Variants in SLC35D4 observed in about 807,000 individuals in gnomAD.
SLC35D4 encodes the protein solute carrier family 35 member D4, also known as UDP-N-acetylglucosamine transporter SLC35D4.
At chr18:23,291,112 C>A in the SLC35D4 span, among the ~76,000 whole-genome samples, 1 of 152,204 alleles carries the variant, frequency 6.6e-6, no homozygotes, top group African/African-American at 2.4e-5. Context: ...TGGCTAAGGG[C>A]TGTGGGTCTT....
At chr18:23,336,891 T>C in the SLC35D4 span, among the ~76,000 whole-genome samples, 12 of 152,034 alleles carry the variant, frequency 7.9e-5, no homozygotes, top group Non-Finnish European at 2.9e-5. Flanking sequence ...ACAGCAGTAA[T>C]AGAATACAAA....
At chr18:23,285,672 T>C in the SLC35D4 span, among the ~76,000 whole-genome samples, 56 of 152,198 alleles carry the variant, frequency 3.7e-4, no homozygotes, top group African/African-American at 1.3e-3. Flanking sequence ...GTCTTTCTAA[T>C]CTTCCTTTTC....
the SLC35D4 span, among the ~76,000 whole-genome samples, chr18:23,353,782 T>C: frequency 1.3e-5 from 2 of 152,310 alleles, no homozygotes; most frequent in Admixed American, 1.3e-4. Flanking sequence ...TGGATTTCTA[T>C]TCCTCACTGT....
the SLC35D4 span, among the ~76,000 whole-genome samples, chr18:23,295,428 T>C: frequency 6.6e-6 from 1 of 152,100 alleles, no homozygotes; most frequent in African/African-American, 2.4e-5. Context: ...GCAGCTACTA[T>C]TATTTTTCCT....
chr18:23,394,256 G>A, the SLC35D4 span, among the ~76,000 whole-genome samples: 1 of 152,154 alleles, frequency 6.6e-6, no homozygotes, highest in East Asian at 1.9e-4. Context: ...CATTCTCATA[G>A]GTGTGAAGTG....
chr18:23,398,186 T>C, the SLC35D4 span, among the ~76,000 whole-genome samples: 1 of 152,140 alleles, frequency 6.6e-6, no homozygotes, highest in African/African-American at 2.4e-5. Context: ...GCCTCACCTA[T>C]CATCTGTCAA....
chr18:23,429,789 G>C, the SLC35D4 span, among the ~76,000 whole-genome samples: 1 of 152,084 alleles, frequency 6.6e-6, no homozygotes, highest in Non-Finnish European at 1.5e-5. Flanking sequence ...TCATATGTTG[G>C]CCACTTGCAT....
the SLC35D4 span, among the ~76,000 whole-genome samples, chr18:23,343,482 C>A: frequency 6.6e-6 from 1 of 152,106 alleles, no homozygotes; most frequent in Non-Finnish European, 1.5e-5. Context: ...CTCAGGTGAT[C>A]CGCTCACCTC....
chr18:23,363,182 T>C, the SLC35D4 span, among the ~76,000 whole-genome samples: 1 of 146,694 alleles, frequency 6.8e-6, no homozygotes, highest in Non-Finnish European at 1.5e-5. Flanking sequence ...GAGGCAGAGG[T>C]TGCAGTGAGC....
the SLC35D4 span, among the ~76,000 whole-genome samples, chr18:23,360,336 T>G: frequency 1.3e-5 from 2 of 152,162 alleles, no homozygotes; most frequent in African/African-American, 4.8e-5. Context: ...ACAAAAAGGC[T>G]GGTATGAGAA....
chr18:23,404,388 C>T, the SLC35D4 span, among the ~76,000 whole-genome samples: 3 of 151,800 alleles, frequency 2.0e-5, no homozygotes, highest in Non-Finnish European at 2.9e-5. Context: ...TATAAAACAG[C>T]CCCAGGCAAG....
At chr18:23,303,541 C>A in the SLC35D4 span, among the ~76,000 whole-genome samples, 2 of 152,200 alleles carry the variant, frequency 1.3e-5, no homozygotes, top group Non-Finnish European at 2.9e-5. Flanking sequence ...GTTTCTTTGG[C>A]TCATTTTGAA....
the SLC35D4 span, among the ~76,000 whole-genome samples, chr18:23,363,318 G>A: frequency 2.0e-5 from 3 of 148,298 alleles, no homozygotes; most frequent in Non-Finnish European, 3.0e-5. Context: ...TGTAAACCAC[G>A]GAGAATCTGT....
the SLC35D4 span, among the ~76,000 whole-genome samples, chr18:23,299,831 GGAGACT>G: frequency 6.6e-6 from 1 of 152,266 alleles, no homozygotes; most frequent in Admixed American, 6.5e-5. Flanking sequence ...GGGAGCCGAG[GGAGACT>G]GATGCCTAGT....
At chr18:23,409,808 C>T in the SLC35D4 span, among the ~76,000 whole-genome samples, 1 of 148,132 alleles carries the variant, frequency 6.8e-6, no homozygotes, top group Admixed American at 6.8e-5. Flanking sequence ...CGCACCATTG[C>T]ACTCCAGCCT....
chr18:23,259,523 A>T, the SLC35D4 span: 8 of 152,190 alleles, frequency 5.3e-5, no homozygotes, highest in African/African-American at 1.9e-4. Flanking sequence ...TTTCATTTTA[A>T]ACTGTCTCCT....
the SLC35D4 span, among the ~76,000 whole-genome samples, chr18:23,306,506 A>G: frequency 1.3e-5 from 2 of 152,152 alleles, no homozygotes; most frequent in African/African-American, 2.4e-5. Flanking sequence ...GGGTTTCTCC[A>G]TGTTGGTCAG....
chr18:23,240,789 C>G, the SLC35D4 span, among the ~76,000 whole-genome samples: 1 of 152,240 alleles, frequency 6.6e-6, no homozygotes, highest in Non-Finnish European at 1.5e-5. Flanking sequence ...ACTGTCCTCC[C>G]CTGTTTTGGG....
the SLC35D4 span, among the ~76,000 whole-genome samples, chr18:23,248,553 C>G: frequency 4.4e-5 from 5 of 114,858 alleles, no homozygotes; most frequent in South Asian, 1.1e-3. Context: ...AAAGGCTGGA[C>G]GTGGTGGCTC....
Sources: gnomAD v4.1 joint callset for allele counts (sites outside exome capture counted in the v4.1 genomes callset) on GRCh38, gnomAD v4.1.1 for gene constraint, MANE v1.5 for transcripts, NCBI Gene and HGNC (gene_info 2026-07-23, HGNC 2026-07-21) for gene names.